Variants in RAB6A observed in about 807,000 individuals in gnomAD.
RAB6A encodes the protein RAB6A, member RAS oncogene family.
Under a neutral mutation model 32.3 loss-of-function variants are expected in RAB6A, and 8 were observed. The ratio of observed to expected loss-of-function variants is 0.25; its 90% CI spans 0.15 to 0.45. RAB6A has a LOEUF of 0.45. Among genes scored for constraint, RAB6A ranks in the 20% least tolerant of loss-of-function variants. The pLI is 1.00. For missense variants in RAB6A, 104 were observed against 249.4 expected (o/e 0.42, Z 3.93); for synonymous variants, 73 against 82.1 (o/e 0.89, Z 0.60).
intron 6 of RAB6A, among the ~76,000 whole-genome samples, chr11:73,683,968 G>T (rs1275687670): frequency 6.6e-6 from 1 of 152,122 alleles, no homozygotes; most frequent in Non-Finnish European, 1.5e-5. Context: ...AAACTACATT[G>T]TATTAATAGT....
At chr11:73,686,329 G>A (rs1259875637) in intron 6 of RAB6A, among the ~76,000 whole-genome samples, 1 of 152,158 alleles carries the variant, frequency 6.6e-6, no homozygotes, top group Non-Finnish European at 1.5e-5. Context: ...GCAAAGGTGG[G>A]GGGATCATTT....
rs1223381587 is a variant in RAB6A, at chr11:73,713,099, T to C, written c.401+3152A>G. On this transcript the variant is annotated intron_variant, in intron 5 of 7. Coordinates refer to ENST00000336083, the MANE Select transcript of RAB6A (RefSeq NM_198896.2). ...TCAGAGGTGAGAGGGGTATTCTGTC[T>C]TGAACCTACTGTAGTGAGATTTTCA... Among the ~76,000 whole-genome samples the C allele has an allele frequency of 2.0e-5, 3 of 152,310 alleles. No individual in the cohort carries two copies. In the South Asian group the frequency reaches 6.2e-4, roughly 32 times the overall value.
chr11:73,713,513 A>G (rs1946000156), intron 5 of RAB6A, among the ~76,000 whole-genome samples: 1 of 151,522 alleles, frequency 6.6e-6, no homozygotes, highest in Admixed American at 6.6e-5. Context: ...GCTTGCAGTG[A>G]GCCAAGATTG....
rs1046405248 is a variant in RAB6A at position 73,679,789 on chromosome 11, A to G, written c.496-69T>C. On this transcript the variant is annotated intron_variant, in intron 6 of 7. Transcript: ENST00000336083. ...GCAAAGGGTACTGAGGTTTATGATC[A>G]CTGTACAGTGAGCTGTCTAATGCTG... 3.2e-6 allele frequency: 5 copies of G among 1,586,418 alleles called. No homozygotes were observed. The Admixed American group carries it at 8.3e-5, about 26-fold the overall frequency.
At chr11:73,695,022 A>G (rs932630124) in intron 6 of RAB6A, among the ~76,000 whole-genome samples, 1 of 151,708 alleles carries the variant, frequency 6.6e-6, no homozygotes, top group South Asian at 2.1e-4. Flanking sequence ...CTCAAAAAAT[A>G]AAAAAAAATT....
At chr11:73,728,383 C>A (rs1275453570) in intron 2 of RAB6A, among the ~76,000 whole-genome samples, 2 of 151,964 alleles carry the variant, frequency 1.3e-5, no homozygotes, top group Non-Finnish European at 2.9e-5. Context: ...TTGTCAAATG[C>A]TTTTTATGTG....
In RAB6A at chr11:73,725,160, T is replaced by C. The variant is rs111863899; in HGVS notation, c.130-4261A>G. ...AATAAATAAGGGCATTCCTGCCTTA[T>C]ACTTTCCATTTCTCTAAGAAGCAAG... is the stretch of plus-strand genomic sequence containing the variant. On this transcript the variant is annotated intron_variant, in intron 2 of 7. Transcript: ENST00000336083. Among the ~76,000 whole-genome samples, 816 of 152,362 alleles carry C rather than the reference T, an allele frequency of 5.4e-3. 9 individuals are homozygous for C. Among genetic ancestry groups the C allele is most frequent in the African/African-American group, 0.018 (769 of 41,578 alleles).
chr11:73,721,831 T>A (rs1946136327), intron 2 of RAB6A, among the ~76,000 whole-genome samples: 1 of 152,204 alleles, frequency 6.6e-6, no homozygotes, highest in South Asian at 2.1e-4. Flanking sequence ...TATGAGTCAC[T>A]AAGAATTTTA....
chr11:73,746,277 A>C (rs1462055548), intron 1 of RAB6A, among the ~76,000 whole-genome samples: 1 of 152,188 alleles, frequency 6.6e-6, no homozygotes, highest in East Asian at 1.9e-4. Flanking sequence ...AATTTTTCTC[A>C]TTCAAGCTGT....
At position 73,680,335 on chromosome 11, in the gene RAB6A, T is replaced by C. The variant is rs79973504; in HGVS notation, c.496-615A>G. On this transcript the variant is annotated intron_variant, in intron 6 of 7. Transcript: ENST00000336083. ...AGATCATTCATTTAACAAAACTGTA[T>C]AGTAGCATTCCTATCTTTCATATAA... Among the ~76,000 whole-genome samples the C allele has an allele frequency of 4.7e-3, 715 of 152,228 alleles. 1 individual carries two copies. The highest frequency in any genetic ancestry group is 7.5e-3 in the Non-Finnish European group (509 of 68,020).
At chr11:73,720,792 C>T in intron 3 of RAB6A, 54 bp downstream of exon 3, 1 of 1,294,272 alleles carries the variant, frequency 7.7e-7, no homozygotes, top group Non-Finnish European at 1.1e-6. Flanking sequence ...ACTTTGATTG[C>T]AGTTTTCTAA....
intron 1 of RAB6A, among the ~76,000 whole-genome samples, chr11:73,754,326 T>C (rs1590896067): frequency 1.3e-5 from 2 of 152,256 alleles, no homozygotes; most frequent in East Asian, 3.8e-4. Flanking sequence ...AGTGGTCTAC[T>C]GACCCCTTAG....
chr11:73,678,725 G>GT (rs113575507), intron 7 of RAB6A, among the ~76,000 whole-genome samples: 2 of 144,714 alleles, frequency 1.4e-5, no homozygotes, highest in Non-Finnish European at 1.5e-5. Context: ...TTGTTGTTGT[G>GT]TTTTTTTTTT....
chr11:73,686,479 G>A (rs1373784047), intron 6 of RAB6A, among the ~76,000 whole-genome samples: 2 of 152,062 alleles, frequency 1.3e-5, no homozygotes, highest in Non-Finnish European at 2.9e-5. Context: ...GCTTGAACCC[G>A]GGAGGCGGGG....
intron 5 of RAB6A, among the ~76,000 whole-genome samples, chr11:73,710,265 C>T (rs1945934038): frequency 6.6e-6 from 1 of 151,060 alleles, no homozygotes; most frequent in Non-Finnish European, 1.5e-5. Context: ...CGCGCCCGGC[C>T]CCCATGCTTA....
At chr11:73,724,547 T>A (rs1836576139) in intron 2 of RAB6A, among the ~76,000 whole-genome samples, 1 of 147,404 alleles carries the variant, frequency 6.8e-6, no homozygotes, top group Non-Finnish European at 1.5e-5. Flanking sequence ...GTGCAGTGGC[T>A]CAATCTCAGC....
intron 6 of RAB6A, among the ~76,000 whole-genome samples, chr11:73,704,771 C>A (rs537146231): frequency 3.3e-5 from 5 of 151,768 alleles, no homozygotes; most frequent in Non-Finnish European, 7.4e-5. Flanking sequence ...CCGAGGTGGG[C>A]AGATCACGAG....
chr11:73,713,372 C>T (rs1590853825), intron 5 of RAB6A, among the ~76,000 whole-genome samples: 1 of 152,258 alleles, frequency 6.6e-6, no homozygotes, highest in East Asian at 1.9e-4. Context: ...AGATCAAGAC[C>T]ATCCTGGCTA....
intron 1 of RAB6A, among the ~76,000 whole-genome samples, chr11:73,757,330 A>G (rs1946778088): frequency 6.7e-6 from 1 of 149,266 alleles, no homozygotes; most frequent in Non-Finnish European, 1.5e-5. Context: ...GTATTTTTGT[A>G]GAGACCGGGC....
Sources: allele counts gnomAD v4.1 joint callset (sites outside exome capture counted in the v4.1 genomes callset), GRCh38; gene constraint gnomAD v4.1.1; transcripts MANE v1.5; gene names NCBI Gene and HGNC (gene_info 2026-07-23, HGNC 2026-07-21).